Variants in BRCA1 observed in about 807,000 individuals in gnomAD.
BRCA1 encodes BRCA1 DNA repair associated.
Under a neutral mutation model 173.7 loss-of-function variants are expected in BRCA1, and 140 were observed. The ratio of observed to expected loss-of-function variants is 0.81; its 90% CI spans 0.70 to 0.93. BRCA1 has a LOEUF of 0.93. Among genes scored for constraint, BRCA1 ranks in the 40% least tolerant of loss-of-function variants. The probability of loss-of-function intolerance (pLI) is 0.00; values close to 1 mark genes in which losing one functional copy is unlikely to be tolerated. For synonymous variants in BRCA1, 662 were observed against 756.0 expected, an observed-to-expected ratio of 0.88 and a Z score of 2.04; for missense variants, 1,983 against 2,172.5, an observed-to-expected ratio of 0.91 and a Z score of 1.73.
At chr17:43,079,832 A>T in intron 12 of BRCA1, 1 of 704,412 alleles carries the variant, frequency 1.4e-6, no homozygotes, top group Non-Finnish European at 2.5e-6. Context: ...AAAAAAGAAA[A>T]GTCATTCTAT....
chr17:43,165,449 A>G (rs377533637), intron 1 of BRCA1, among the ~76,000 whole-genome samples: 1 of 151,014 alleles, frequency 6.6e-6, no homozygotes, highest in African/African-American at 2.4e-5. Context: ...TACCAAAGAT[A>G]TATTTTACTT....
In BRCA1 at chr17:43,044,993, G is replaced by A; in HGVS notation, c.*685C>T. On this transcript the variant is annotated 3_prime_UTR_variant, in exon 23 of 23. Transcript: ENST00000357654. ...TAATTTCTGTATTTTTAGTAGAGAT[G>A]GGGTTTCACCATGTTGGCCAGGCTG... 1 of 490,186 alleles carries A rather than the reference G, an allele frequency of 2.0e-6. No homozygotes were observed. The highest frequency in any genetic ancestry group is 4.0e-6 in the Non-Finnish European group (1 of 248,676). The allele number at this position is 490,186 out of a possible 1,614,324, so 30.4% of individuals were successfully genotyped here. A position where few individuals can be genotyped will look rare whatever the true frequency, so the allele number is the denominator to read the frequency against.
chr17:43,103,466 CAAAAAAAAAAAA>C (rs900598227), intron 6 of BRCA1, among the ~76,000 whole-genome samples: 1 of 64,676 alleles, frequency 1.5e-5, no homozygotes, highest in African/African-American at 5.2e-5. Context: ...GACTCTGTCT[CAAAAAAAAAAAA>C]AAAAAAGAAA....
At chr17:43,067,890 TAAAAA>T (rs71157702) in intron 15 of BRCA1, among the ~76,000 whole-genome samples, 195 bp from the exon 16 acceptor site, 3 of 50,112 alleles carry the variant, frequency 6.0e-5, no homozygotes, top group Non-Finnish European at 9.8e-5. Context: ...AGGCTGGAGG[TAAAAA>T]AAAAAAAAAA....
intron 1 of BRCA1, chr17:43,164,192 G>C (rs918546148): frequency 3.3e-5 from 5 of 152,172 alleles, no homozygotes; most frequent in Admixed American, 2.6e-4. Context: ...CTAGTAAAAC[G>C]AATGTATGGT....
chr17:43,066,812 CT>C (rs34253779), intron 16 of BRCA1, among the ~76,000 whole-genome samples: 7,198 of 112,246 alleles, frequency 0.064, 405 homozygotes, highest in African/African-American at 0.25. Context: ...CCCTCCAAAC[CT>C]TTTTTTTTTT....
Position 43,049,580 on chromosome 17 carries a change from G to C in BRCA1, c.5333-386C>G, listed in dbSNP as rs971560197. Among the ~76,000 whole-genome samples the C allele has an allele frequency of 6.6e-6, 1 of 152,020 alleles. No individual in the cohort carries two copies. Among genetic ancestry groups the C allele is most frequent in the African/African-American group, 2.4e-5 (1 of 41,368 alleles). ...CTCCCTTCATCCTAATTCTGTGTTG[G>C]TAACTGATAATCACGGCCACTGAAA... On this transcript the variant is annotated intron_variant, in intron 20 of 22. Transcript: ENST00000357654.
intron 18 of BRCA1, among the ~76,000 whole-genome samples, chr17:43,061,373 T>G (rs973550009): frequency 1.3e-5 from 2 of 152,170 alleles, no homozygotes; most frequent in African/African-American, 2.4e-5. Context: ...GCATTTATTG[T>G]TATCTTAAAT....
intron 19 of BRCA1, among the ~76,000 whole-genome samples, chr17:43,056,833 G>A (rs1386874293): frequency 6.6e-6 from 1 of 152,178 alleles, no homozygotes; most frequent in Non-Finnish European, 1.5e-5. Flanking sequence ...AAATTACACA[G>A]CCTCTCTAAA....
intron 1 of BRCA1, among the ~76,000 whole-genome samples, chr17:43,135,173 C>T (rs1347026818): frequency 2.0e-5 from 3 of 152,358 alleles, no homozygotes; most frequent in Middle Eastern, 3.4e-3. Flanking sequence ...GTTCTGCGGA[C>T]CCCGTGCACT....
intron 1 of BRCA1, among the ~76,000 whole-genome samples, chr17:43,142,940 G>A (rs2355869): frequency 0.47 from 68,004 of 144,758 alleles, 17,923 homozygotes; most frequent in African/African-American, 0.73. Flanking sequence ...GTGTGTGTGT[G>A]TATATATATA....
At chr17:43,117,507 G>A (rs1404977476) in intron 2 of BRCA1, among the ~76,000 whole-genome samples, 2 of 152,084 alleles carry the variant, frequency 1.3e-5, no homozygotes, top group African/African-American at 2.4e-5. Flanking sequence ...TTGGGAGGCC[G>A]AGGCGGGCGG....
intron 16 of BRCA1, among the ~76,000 whole-genome samples, chr17:43,064,350 A>G (rs1404410456): frequency 6.6e-6 from 1 of 152,262 alleles, no homozygotes; most frequent in East Asian, 1.9e-4. Flanking sequence ...AGAAGAAAAC[A>G]GTATTGTTGA....
At chr17:43,117,832 G>C (rs1244124761) in intron 2 of BRCA1, among the ~76,000 whole-genome samples, 3 of 152,122 alleles carry the variant, frequency 2.0e-5, no homozygotes, top group Admixed American at 1.3e-4. Context: ...AGGCATTCCT[G>C]AGATTAGTTC....
At chr17:43,159,072 C>T (rs1047531193) in intron 1 of BRCA1, among the ~76,000 whole-genome samples, 9 of 150,054 alleles carry the variant, frequency 6.0e-5, no homozygotes, top group African/African-American at 2.0e-4. Flanking sequence ...CCTATATCTA[C>T]AAACACACAC....
chr17:43,047,744 T>C (rs1040478746), intron 21 of BRCA1, 41 bp from the exon 22 acceptor site: 1 of 1,602,378 alleles, frequency 6.2e-7, no homozygotes, highest in Non-Finnish European at 8.6e-7. Context: ...AGTGTCAAAG[T>C]AGGACTACTG....
rs786201945 is a variant in BRCA1, at chr17:43,049,131, G to A, written c.5396C>T (p.Thr1799Ile). The change falls in exon 21 of 23, where the codon ACC becomes ATC. Residue 1799 changes from threonine to isoleucine, a missense_variant. Physicochemically the swap from Thr to Ile is moderately conservative, Grantham distance 89. Coordinates refer to ENST00000357654, the MANE Select transcript of BRCA1 (RefSeq NM_007294.4). ...GCACCCAATACTTACTGTGCCAAGG[G>A]TGAATGATGAAAGCTCCTTCACCAC... ...ASVVKELSSF[T>I]LGTGVHPIVV... The A allele has an allele frequency of 1.2e-6, 2 of 1,614,042 alleles. No homozygotes were observed. Among genetic ancestry groups the A allele is most frequent in the East Asian group, 2.2e-5 (1 of 44,884 alleles).
intron 2 of BRCA1, among the ~76,000 whole-genome samples, chr17:43,119,697 G>A (rs1407915610): frequency 6.6e-6 from 1 of 152,102 alleles, no homozygotes; most frequent in Non-Finnish European, 1.5e-5. Flanking sequence ...ACTCTGATTG[G>A]TTACTAAATC....
chr17:43,051,059 T>C lies in BRCA1; in HGVS notation c.5332+4A>G, dbSNP rs80358166. The C allele has an allele frequency of 1.5e-5, 24 of 1,613,814 alleles. No individual in the cohort carries two copies. Among genetic ancestry groups the C allele is most frequent in the Non-Finnish European group, 1.5e-5 (18 of 1,179,706 alleles). Reference sequence around the variant, plus strand: ...GGAACTCTGGGGTTCTCCCAGGCTCTTACCTGTGGGCATGTTGGTGAAGGG... The same window carrying C: ...GGAACTCTGGGGTTCTCCCAGGCTCCTACCTGTGGGCATGTTGGTGAAGGG... On this transcript the variant is annotated splice_donor_region_variant and intron_variant, in intron 20 of 22. Transcript: ENST00000357654.
Sources: allele counts gnomAD v4.1 joint callset (sites outside exome capture counted in the v4.1 genomes callset), GRCh38; gene constraint gnomAD v4.1.1; transcripts MANE v1.5; gene names NCBI Gene and HGNC (gene_info 2026-07-23, HGNC 2026-07-21).